GALNT13: variants seen among roughly 807,000 people sequenced by gnomAD.
GALNT13 encodes the protein polypeptide N-acetylgalactosaminyltransferase 13, also known as UDP-GalNAc:polypeptide N-acetylgalactosaminyltransferase 13.
Under a neutral mutation model 64.2 loss-of-function variants are expected in GALNT13, and 28 were observed. That is an observed-to-expected ratio of 0.44 (90% CI 0.32 to 0.60). The LOEUF is 0.60. Ranked by LOEUF, GALNT13 falls within the 20% of genes least tolerant of loss-of-function variation. The pLI is 0.05. For missense variants in GALNT13, 577 were observed against 669.8 expected, an observed-to-expected ratio of 0.86 and a Z score of 1.53; for synonymous variants, 214 against 224.6, an observed-to-expected ratio of 0.95 and a Z score of 0.42.
chr2:153,656,168 A>G, the GALNT13 span, among the ~76,000 whole-genome samples: 3 of 152,132 alleles, frequency 2.0e-5, no homozygotes, highest in African/African-American at 7.2e-5. Context: ...TTTACTTAGC[A>G]CCTATTCTAT....
At chr2:153,574,749 T>C in the GALNT13 span, among the ~76,000 whole-genome samples, 1 of 151,690 alleles carries the variant, frequency 6.6e-6, no homozygotes, top group African/African-American at 2.4e-5. Flanking sequence ...GGTGGAATTC[T>C]GAATTCTTTG....
At chr2:153,673,552 C>A in the GALNT13 span, among the ~76,000 whole-genome samples, 31 of 152,068 alleles carry the variant, frequency 2.0e-4, no homozygotes, top group Admixed American at 4.6e-4. Flanking sequence ...ATTGATAGAA[C>A]GTATCTCAAA....
At chr2:154,434,428 T>A (rs1025776770) in intron 11 of GALNT13, among the ~76,000 whole-genome samples, 142 of 152,042 alleles carry the variant, frequency 9.3e-4, no homozygotes, top group Non-Finnish European at 1.7e-3. Flanking sequence ...CCCTGCTAAT[T>A]TTTTGTATTT....
At chr2:153,798,515 T>C in the GALNT13 span, among the ~76,000 whole-genome samples, 2 of 152,162 alleles carry the variant, frequency 1.3e-5, no homozygotes, top group African/African-American at 4.8e-5. Flanking sequence ...GACACAATAA[T>C]TGCAAATTTA....
intron 4 of GALNT13, among the ~76,000 whole-genome samples, chr2:154,221,805 T>G (rs1326476853): frequency 1.3e-5 from 2 of 152,122 alleles, no homozygotes; most frequent in African/African-American, 4.8e-5. Flanking sequence ...AATGAAAACA[T>G]TACTTGTTTA....
intron 9 of GALNT13, among the ~76,000 whole-genome samples, chr2:154,302,896 C>CA (rs1693524284): frequency 6.6e-6 from 1 of 152,086 alleles, no homozygotes. Flanking sequence ...GCTAAACTCT[C>CA]AGTTAATCTT....
At chr2:153,996,934 T>G (rs2105207520) in intron 3 of GALNT13, among the ~76,000 whole-genome samples, 1 of 152,286 alleles carries the variant, frequency 6.6e-6, no homozygotes, top group Non-Finnish European at 1.5e-5. Flanking sequence ...TGGACTGTCC[T>G]TTCTCCAATG....
chr2:153,499,310 G>A, the GALNT13 span, among the ~76,000 whole-genome samples: 4 of 152,186 alleles, frequency 2.6e-5, no homozygotes, highest in Non-Finnish European at 5.9e-5. Flanking sequence ...AAGTTTGTTC[G>A]AGTCTGGCTA....
At chr2:153,974,062 G>A (rs1285866781) in intron 3 of GALNT13, among the ~76,000 whole-genome samples, 1 of 151,894 alleles carries the variant, frequency 6.6e-6, no homozygotes, top group African/African-American at 2.4e-5. Context: ...TTTTTCCTTT[G>A]AACCTTCTTG....
chr2:153,393,398 T>C, the GALNT13 span, among the ~76,000 whole-genome samples: 1 of 152,078 alleles, frequency 6.6e-6, no homozygotes, highest in Non-Finnish European at 1.5e-5. Flanking sequence ...ACCAAATCTA[T>C]GGTAACGTCA....
chr2:154,229,933 A>T (rs749269334), intron 4 of GALNT13, among the ~76,000 whole-genome samples: 1 of 152,044 alleles, frequency 6.6e-6, no homozygotes, highest in Admixed American at 6.6e-5. Flanking sequence ...GATGTTTTAG[A>T]TTTGCGTTTT....
the GALNT13 span, among the ~76,000 whole-genome samples, chr2:153,464,829 A>G: frequency 6.6e-6 from 1 of 152,108 alleles, no homozygotes; most frequent in Non-Finnish European, 1.5e-5. Context: ...TATTTAACCA[A>G]TGCAAGTGTA....
At chr2:153,222,085 T>C in the GALNT13 span, among the ~76,000 whole-genome samples, 2 of 151,700 alleles carry the variant, frequency 1.3e-5, no homozygotes, top group South Asian at 4.2e-4. Context: ...TCCCAAGTTC[T>C]TGTCCCACAC....
chr2:153,635,779 A>G, the GALNT13 span, among the ~76,000 whole-genome samples: 1 of 152,190 alleles, frequency 6.6e-6, no homozygotes, highest in African/African-American at 2.4e-5. Flanking sequence ...TCCCTGTAGC[A>G]TAAGTCAGTA....
the GALNT13 span, among the ~76,000 whole-genome samples, chr2:153,340,441 G>T: frequency 6.6e-6 from 1 of 151,778 alleles, no homozygotes; most frequent in African/African-American, 2.4e-5. Flanking sequence ...TGGATCACAA[G>T]GTCAGGAGTT....
At chr2:153,082,573 T>TA in the GALNT13 span, among the ~76,000 whole-genome samples, 8 of 40,568 alleles carry the variant, frequency 2.0e-4, no homozygotes, top group African/African-American at 6.8e-4. Context: ...TTAGGCTGGT[T>TA]TATATATATA....
At chr2:153,923,714 C>G (rs1363519929) in intron 2 of GALNT13, among the ~76,000 whole-genome samples, 3 of 149,186 alleles carry the variant, frequency 2.0e-5, no homozygotes, top group Admixed American at 6.7e-5. Context: ...CAACAGGCCC[C>G]CATGTGTGAT....
the GALNT13 span, among the ~76,000 whole-genome samples, chr2:153,548,277 T>C: frequency 6.6e-6 from 1 of 152,180 alleles, no homozygotes; most frequent in Non-Finnish European, 1.5e-5. Flanking sequence ...ATCTGCTCCG[T>C]GGATCATAAT....
chr2:153,425,372 T>G, the GALNT13 span, among the ~76,000 whole-genome samples: 5 of 151,866 alleles, frequency 3.3e-5, no homozygotes, highest in Admixed American at 2.0e-4. Flanking sequence ...TGCTTTAACA[T>G]TCAGGTTCTA....
Sources: gnomAD v4.1 joint callset for allele counts (sites outside exome capture counted in the v4.1 genomes callset) on GRCh38, gnomAD v4.1.1 for gene constraint, MANE v1.5 for transcripts, NCBI Gene and HGNC (gene_info 2026-07-23, HGNC 2026-07-21) for gene names.